The following NSD2 variants were observed in gnomAD, a reference collection of about 807,000 sequenced individuals.
The protein encoded by NSD2 is nuclear receptor binding SET domain protein 2, also known as histone-lysine N-methyltransferase NSD2.
Under a neutral mutation model 139.0 loss-of-function variants are expected in NSD2, and 12 were observed. The observed-to-expected ratio is 0.09, with a 90% CI of 0.06 to 0.14. The LOEUF (loss-of-function observed/expected upper bound fraction) is 0.14, where lower values mean the gene tolerates loss of function less well. NSD2 is among the 10% of genes least tolerant of loss of function. The probability of loss-of-function intolerance (pLI) is 1.00; values close to 1 mark genes in which losing one functional copy is unlikely to be tolerated. For synonymous variants in NSD2, 669 were observed against 648.7 expected (o/e 1.03, Z -0.48); for missense variants, 1,155 against 1,745.0 (o/e 0.66, Z 6.02).
At chr4:1,919,114 G>C (rs984896519) in intron 5 of NSD2, 2 of 152,166 alleles carry the variant, frequency 1.3e-5, no homozygotes, top group African/African-American at 4.9e-5. Flanking sequence ...GCAGTGAGTC[G>C]TGATGGCATC....
Position 1,974,968 on chromosome 4 carries a change from C to T in NSD2, c.3478C>T (p.Arg1160Cys), listed in dbSNP as rs1380951165. ...CAAGTGGACAGTGAATGGGGACACTCGTGTGGGCCTGTTTGCCGTCTGTGA... is the reference window on the plus strand; with the variant it reads ...CAAGTGGACAGTGAATGGGGACACTTGTGTGGGCCTGTTTGCCGTCTGTGA... ...TLKWTVNGDT[R>C]VGLFAVCDIP... Residue 1160 changes from arginine to cysteine, a missense_variant, in exon 19 of 22, where the codon CGT becomes TGT. This residue lies in a region of NSD2 where 139 missense variants were observed against 485.8 expected (regional missense o/e 0.29). Transcript: ENST00000508803. This position sits in a 1 kb window ranked among gnomAD's most constrained non-coding sequence, Gnocchi z 4.0. The T allele has an allele frequency of 1.2e-6, 2 of 1,614,028 alleles. No individual in the cohort carries two copies. Among genetic ancestry groups the T allele is most frequent in the African/African-American group, 1.3e-5 (1 of 74,900 alleles).
chr4:1,940,067 ATGT>A, intron 9 of NSD2: 3 of 1,284,934 alleles, frequency 2.3e-6, no homozygotes, highest in South Asian at 3.6e-5. Context: ...TGTCTGAAGA[ATGT>A]TGTGTTCTGT....
chr4:1,891,871 AC>A (rs1228386361), intron 1 of NSD2, among the ~76,000 whole-genome samples: 10 of 150,378 alleles, frequency 6.6e-5, no homozygotes, highest in Middle Eastern at 3.4e-3. Flanking sequence ...AAAAAAAAAA[AC>A]AAAAAAAAAC....
Position 1,901,109 on chromosome 4 carries a change from C to G in NSD2, c.455C>G (p.Ser152Cys). 6.2e-7 allele frequency: 1 copy of G among 1,614,196 alleles called. No individual in the cohort carries two copies. The highest frequency in any genetic ancestry group is 8.5e-7 in the Non-Finnish European group (1 of 1,180,040). ...TGTGGTGACAGTGCTGCTGATGTGT[C>G]TCAGTCAGAAGAAAATGGACAAAAA... ...SICGDSAADV[S>C]QSEENGQKPE... The change falls in exon 2 of 22, where the codon TCT becomes TGT. Residue 152 changes from serine to cysteine, a missense_variant. This residue lies in a region of NSD2 where 246 missense variants were observed against 262.8 expected (regional missense o/e 0.94). Coordinates refer to ENST00000508803, the MANE Select transcript of NSD2 (RefSeq NM_001042424.3).
chr4:1,918,048 T>C (rs1719635268), intron 4 of NSD2, 93 bp from the exon 5 acceptor site: 3 of 1,462,740 alleles, frequency 2.1e-6, no homozygotes, highest in African/African-American at 2.8e-5. Context: ...CCATAAGTGC[T>C]GGAATTATAG....
chr4:1,971,562 C>T (rs753936309), intron 18 of NSD2, among the ~76,000 whole-genome samples: 1 of 152,156 alleles, frequency 6.6e-6, no homozygotes, highest in Non-Finnish European at 1.5e-5. Flanking sequence ...AAATAAATCT[C>T]TTCTTACGAG....
Position 1,910,386 on chromosome 4 carries a change from C to T in NSD2, c.760+6008C>T, listed in dbSNP as rs542720732. On this transcript the variant is annotated intron_variant, in intron 3 of 21. Transcript: ENST00000508803. ...CACTACAGGCATGTGTCACCACACC[C>T]GACTAATTTTGTATTTTTGCTAGAG... Among the ~76,000 whole-genome samples, 7 of 151,868 alleles carry T rather than the reference C, an allele frequency of 4.6e-5. No individual in the cohort carries two copies. In the South Asian group the frequency reaches 8.3e-4, roughly 18 times the overall value.
rs1239708011 is a variant in NSD2, at chr4:1,955,173, G to A, written c.2351G>A (p.Arg784Gln). 1.9e-6 allele frequency: 3 copies of A among 1,609,938 alleles called. No individual in the cohort carries two copies. Among genetic ancestry groups the A allele is most frequent in the East Asian group, 2.2e-5 (1 of 44,770 alleles). The change falls in exon 13 of 22, where the codon CGG becomes CAG. Residue 784 changes from arginine to glutamine, a missense_variant. Physicochemically the swap from Arg to Gln is conservative, Grantham distance 43. Coordinates refer to ENST00000508803, the MANE Select transcript of NSD2 (RefSeq NM_001042424.3). This position sits in a 1 kb window ranked among gnomAD's most constrained non-coding sequence, Gnocchi z 4.7. ...NPRPSKGKMM[R>Q]CVRCPVAYHS... is the part of the protein sequence containing the mutation. ...TCTTTGCCTTCAGGTAAAATGATGC[G>A]GTGTGTCCGCTGCCCCGTTGCCTAT...
chr4:1,953,837 C>G (rs932404371), intron 12 of NSD2, among the ~76,000 whole-genome samples: 18 of 151,936 alleles, frequency 1.2e-4, no homozygotes, highest in African/African-American at 3.9e-4. Context: ...CTCTGTTACC[C>G]AGGCTGGAGT....
chr4:1,911,305 G>A (rs2108780519), intron 3 of NSD2, among the ~76,000 whole-genome samples: 1 of 152,238 alleles, frequency 6.6e-6, no homozygotes, highest in Admixed American at 6.5e-5. Context: ...CATAGGAAGA[G>A]GGCCAGGTGC....
At chr4:1,905,837 T>TC (rs1056883672) in intron 3 of NSD2, among the ~76,000 whole-genome samples, 3 of 152,176 alleles carry the variant, frequency 2.0e-5, no homozygotes, top group Admixed American at 2.0e-4. Context: ...GGGATTCCTT[T>TC]CCAAGGGGTT....
chr4:1,966,431 T>C (rs1009157044), intron 18 of NSD2, among the ~76,000 whole-genome samples: 1 of 152,014 alleles, frequency 6.6e-6, no homozygotes, highest in Non-Finnish European at 1.5e-5. Context: ...CTGAGATGGG[T>C]GGATCACCAG....
chr4:1,922,399 AAAAT>A, intron 5 of NSD2, among the ~76,000 whole-genome samples: 1 of 152,362 alleles, frequency 6.6e-6, no homozygotes, highest in Middle Eastern at 3.4e-3. Flanking sequence ...ACTTTAGAGA[AAAAT>A]AACTGATATT....
At chr4:1,936,039 C>G (rs1722349846) in intron 7 of NSD2, among the ~76,000 whole-genome samples, 2 of 152,104 alleles carry the variant, frequency 1.3e-5, no homozygotes, top group Admixed American at 6.5e-5. Flanking sequence ...ATTAGTAATT[C>G]ATGTTATTGT....
chr4:1,975,160 T>C (rs1726937468), intron 19 of NSD2, 134 bp from the exon 20 acceptor site: 1 of 1,414,682 alleles, frequency 7.1e-7, no homozygotes, highest in East Asian at 2.3e-5. Context: ...CCAAGCAAAA[T>C]TGAAAGGCCA....
intron 5 of NSD2, among the ~76,000 whole-genome samples, chr4:1,925,778 T>TTGTTTG (rs1560666173): frequency 2.6e-5 from 4 of 151,054 alleles, no homozygotes; most frequent in African/African-American, 7.3e-5. Flanking sequence ...ATATATTTTT[T>TTGTTTG]TTTGTTTGTT....
At chr4:1,932,752 T>C (rs1721814790) in intron 6 of NSD2, among the ~76,000 whole-genome samples, 1 of 152,100 alleles carries the variant, frequency 6.6e-6, no homozygotes, top group Non-Finnish European at 1.5e-5. Context: ...AAACTCCATC[T>C]CAAAAAAAAT....
chr4:1,925,500 G>T (rs1204542697), intron 5 of NSD2, among the ~76,000 whole-genome samples: 1 of 139,660 alleles, frequency 7.2e-6, no homozygotes, highest in African/African-American at 2.6e-5. Context: ...CCGGGTTCAA[G>T]CGATTCTCCT....
chr4:1,893,423 T>C (rs1412782471), intron 1 of NSD2, among the ~76,000 whole-genome samples: 1 of 152,198 alleles, frequency 6.6e-6, no homozygotes, highest in Non-Finnish European at 1.5e-5. Context: ...GAGCTGAGAT[T>C]GTGCCACTGG....
Sources: allele counts gnomAD v4.1 joint callset (sites outside exome capture counted in the v4.1 genomes callset), GRCh38; gene constraint gnomAD v4.1.1; regional missense constraint gnomAD v4.1.1; non-coding constraint Gnocchi (gnomAD v3.1); transcripts MANE v1.5; gene names NCBI Gene and HGNC (gene_info 2026-07-23, HGNC 2026-07-21).